The following FLNC variants were observed in gnomAD, a reference collection of about 807,000 sequenced individuals.
FLNC encodes filamin C.
A neutral mutation model predicts 254.3 loss-of-function variants in FLNC; 91 were observed. That is an observed-to-expected ratio of 0.36 (90% CI 0.30 to 0.43). FLNC has a LOEUF of 0.43. FLNC is among the 20% of genes least tolerant of loss of function. The probability of loss-of-function intolerance (pLI) is 1.00; values close to 1 mark genes in which losing one functional copy is unlikely to be tolerated. For missense variants in FLNC, 2,853 were observed against 3,802.6 expected, an observed-to-expected ratio of 0.75 and a Z score of 6.57; for synonymous variants, 1,430 against 1,577.2, an observed-to-expected ratio of 0.91 and a Z score of 2.21.
Position 128,843,306 on chromosome 7 carries a change from G to GCTT in FLNC, c.2630_2631insTCT (p.Leu877dup). The GCTT allele has an allele frequency of 6.2e-7, 1 of 1,613,076 alleles. No individual in the cohort carries two copies. Among genetic ancestry groups the GCTT allele is most frequent in the Admixed American group, 1.7e-5 (1 of 59,854 alleles). On this transcript the variant is annotated inframe_insertion, in exon 17 of 48. Coordinates refer to ENST00000325888, the MANE Select transcript of FLNC (RefSeq NM_001458.5). ...GCAAAGTCAAGGCCGAGGGCCCTGGGCTGAATCGCACAGGTGAGTGTCTGG... is the reference window on the plus strand; with the variant it reads ...GCAAAGTCAAGGCCGAGGGCCCTGGGCTTCTGAATCGCACAGGTGAGTGTCTGG...
chr7:128,843,757 G>A, intron 18 of FLNC, 39 bp from the exon 19 acceptor site: 4 of 1,582,066 alleles, frequency 2.5e-6, no homozygotes, highest in Non-Finnish European at 3.5e-6. Context: ...GTAGGACCTT[G>A]CCTTATATCC....
Position 128,843,255 on chromosome 7 carries a change from C to A in FLNC, c.2577C>A (p.Ile859=). The A allele has an allele frequency of 6.2e-7, 1 of 1,608,426 alleles. No homozygotes were observed. Among genetic ancestry groups the A allele is most frequent in the Non-Finnish European group, 8.5e-7 (1 of 1,177,372 alleles). Reference sequence around the variant, plus strand: ...AGATCCCCGCCAGCCCCTTCCACATCAAGGTGGACCCATCCCACGATGCCA... The same window carrying A: ...AGATCCCCGCCAGCCCCTTCCACATAAAGGTGGACCCATCCCACGATGCCA... ...NQEIPASPFH[I]KVDPSHDASK... The change falls in exon 17 of 48, where the codon ATC becomes ATA. Residue 859 remains isoleucine (I), a synonymous_variant. Transcript: ENST00000325888.
At chr7:128,843,950 A>G in intron 19 of FLNC, 37 bp downstream of exon 19, 1 of 1,614,054 alleles carries the variant, frequency 6.2e-7, no homozygotes, top group Non-Finnish European at 8.5e-7. Flanking sequence ...AGTGAGGGGT[A>G]TTCGGGTAGG....
chr7:128,830,508 C>G lies in FLNC; in HGVS notation c.-130C>G, dbSNP rs1306042438. 4 of 775,718 alleles carry G rather than the reference C, an allele frequency of 5.2e-6. No homozygotes were observed. In the African/African-American group the frequency reaches 7.0e-5, roughly 14 times the overall value. The allele number at this position is 775,718 out of a possible 1,614,324, so 48.1% of individuals were successfully genotyped here. On this transcript the variant is annotated 5_prime_UTR_variant, in exon 1 of 48. Coordinates refer to ENST00000325888, the MANE Select transcript of FLNC (RefSeq NM_001458.5). ...CCTCGCCGAGCCCCGCCAGCCCCGG[C>G]GCGAGAGAAGTTGGAGAGGAGAGCA...
chr7:128,831,132 G>A (rs1807874693), intron 1 of FLNC, 143 bp downstream of exon 1: 12 of 751,062 alleles, frequency 1.6e-5, no homozygotes, highest in South Asian at 1.5e-4. Context: ...CCCTGGCCCC[G>A]GCCCTCCCAC....
At position 128,857,189 on chromosome 7, in the gene FLNC, C is replaced by A. The variant is rs775883124; in HGVS notation, c.7633C>A (p.Pro2545Thr). ...GGCCTTGTCTGTCACCATTGATGGC[C>A]CCTCCAAGGTGCAGCTGGACTGTCG... ...SGALSVTIDG[P>T]SKVQLDCREC... The change falls in exon 46 of 48, where the codon CCC becomes ACC. Residue 2545 changes from proline to threonine, a missense_variant. Coordinates refer to ENST00000325888, the MANE Select transcript of FLNC (RefSeq NM_001458.5). This position sits in a 1 kb window ranked among gnomAD's most constrained non-coding sequence, Gnocchi z 4.5. The A allele has an allele frequency of 6.2e-7, 1 of 1,614,144 alleles. No individual in the cohort carries two copies. Among genetic ancestry groups the A allele is most frequent in the Admixed American group, 1.7e-5 (1 of 60,030 alleles).
rs977635757 is a variant in FLNC at position 128,843,237 on chromosome 7, C to T, written c.2559C>T (p.Pro853=). The change falls in exon 17 of 48, where the codon CCC becomes CCT. Residue 853 remains proline (P), a synonymous_variant. Transcript: ENST00000325888. ...IMVLFANQEI[P]ASPFHIKVDP... is the part of the protein sequence containing the mutation. ...GCCTCCTCCACATCCAGGAGATCCC[C>T]GCCAGCCCCTTCCACATCAAGGTGG... 1.1e-5 allele frequency: 17 copies of T among 1,597,828 alleles called. No individual in the cohort carries two copies. The highest frequency in any genetic ancestry group is 1.7e-4 in the Middle Eastern group (1 of 6,048).
Position 128,856,688 on chromosome 7 carries a change from T to C in FLNC, c.7384+38T>C, listed in dbSNP as rs1271758294. 1 of 1,613,904 alleles carries C rather than the reference T, an allele frequency of 6.2e-7. No homozygotes were observed. Among genetic ancestry groups the C allele is most frequent in the Non-Finnish European group, 8.5e-7 (1 of 1,180,026 alleles). On this transcript the variant is annotated intron_variant, in intron 44 of 47. Coordinates refer to ENST00000325888, the MANE Select transcript of FLNC (RefSeq NM_001458.5). This position sits in a 1 kb window ranked among gnomAD's most constrained non-coding sequence, Gnocchi z 5.9. ...TGCCCCTGCCAACTCCCTTCCGGGC[T>C]GGGGCCTTCTGGGGAGGGGAAGGAT...
In FLNC at chr7:128,847,980, G is replaced by T. The variant is rs976919874; in HGVS notation, c.4492G>T (p.Asp1498Tyr). The stretch of plus-strand genomic sequence containing the variant: ...GCCTGTGGAGGTGCGGGACAATGGA[G>T]ATGGCACCCACACTGTCCACTACAC... ...AEPVEVRDNG[D>Y]GTHTVHYTPA... Residue 1498 changes from aspartate to tyrosine, a missense_variant, in exon 26 of 48, where the codon GAT becomes TAT. Around this residue, in one of 10 missense-constraint regions of FLNC, gnomAD observed 1,573 missense variants for 1,883.5 expected, o/e 0.84. Coordinates refer to ENST00000325888, the MANE Select transcript of FLNC (RefSeq NM_001458.5). 7 of 1,612,342 alleles carry T rather than the reference G, an allele frequency of 4.3e-6. No individual in the cohort carries two copies. The highest frequency in any genetic ancestry group is 5.9e-6 in the Non-Finnish European group (7 of 1,179,220).
Position 128,850,712 on chromosome 7 carries a change from G to A in FLNC, c.5399-91G>A, listed in dbSNP as rs111806684. 3.1e-3 allele frequency: 4,842 copies of A among 1,573,504 alleles called. 153 individuals are homozygous for A. In the African/African-American group the frequency reaches 0.058, roughly 19 times the overall value. On this transcript the variant is annotated intron_variant, in intron 32 of 47. Transcript: ENST00000325888. ...CTCTTGATGCCTGGCTTCTCGGGTGGCAGCAGAAGCACTCAGGACCAGGCC... is the reference window on the plus strand; with the variant it reads ...CTCTTGATGCCTGGCTTCTCGGGTGACAGCAGAAGCACTCAGGACCAGGCC...
At chr7:128,848,487 G>A in intron 26 of FLNC, 74 bp from the exon 27 acceptor site, 1 of 1,513,110 alleles carries the variant, frequency 6.6e-7, no homozygotes. Flanking sequence ...GAGGACTCTG[G>A]CTCAAGATGA....
chr7:128,830,463 C>G lies in FLNC; in HGVS notation c.-175C>G, dbSNP rs1807838228. On this transcript the variant is annotated 5_prime_UTR_variant, in exon 1 of 48. Coordinates refer to ENST00000325888, the MANE Select transcript of FLNC (RefSeq NM_001458.5). ...GAGAGAGAGCCAGAGAGCGGCCGAG[C>G]GCCTAGGAGGCCCGCCGAGCCTCGC... 3.2e-6 allele frequency: 2 copies of G among 616,400 alleles called. No individual in the cohort carries two copies. The highest frequency in any genetic ancestry group is 1.9e-5 in the African/African-American group (1 of 53,468). The allele number at this position is 616,400 out of a possible 1,614,324, so 38.2% of individuals were successfully genotyped here.
intron 5 of FLNC, 112 bp downstream of exon 5, chr7:128,837,867 G>T: frequency 1.5e-6 from 2 of 1,364,650 alleles, no homozygotes; most frequent in Non-Finnish European, 2.1e-6. Context: ...ACACTGTGCT[G>T]TGCAGTCTGG....
At chr7:128,832,537 G>A (rs1473625671) in intron 1 of FLNC, among the ~76,000 whole-genome samples, 2 of 152,322 alleles carry the variant, frequency 1.3e-5, no homozygotes, top group South Asian at 2.1e-4. Context: ...GTCTGCGGGG[G>A]CTCTCGGCCC....
At position 128,853,781 on chromosome 7, in the gene FLNC, A is replaced by G. The variant is rs774715089; in HGVS notation, c.6428A>G (p.Gln2143Arg). ...AAGGAGAGCATCACCCGGCGGAGACAGGCACCTTCCATCGCCACCATCGGC... is the reference window on the plus strand; with the variant it reads ...AAGGAGAGCATCACCCGGCGGAGACGGGCACCTTCCATCGCCACCATCGGC... ...RMKESITRRRQAPSIATIGST... is the reference protein window; with the variant it reads ...RMKESITRRRRAPSIATIGST... Residue 2143 changes from glutamine to arginine, a missense_variant, in exon 39 of 48, where the codon CAG becomes CGG. Gln to Arg is a conservative substitution (Grantham distance 43, BLOSUM62 1). Around this residue, in one of 10 missense-constraint regions of FLNC, gnomAD observed 551 missense variants for 835.0 expected, o/e 0.66. Transcript: ENST00000325888. 6.8e-6 allele frequency: 11 copies of G among 1,613,696 alleles called. No homozygotes were observed. In the South Asian group the frequency reaches 1.2e-4, roughly 18 times the overall value.
rs201863231 is a variant in FLNC at position 128,844,207 on chromosome 7, C to A, written c.3133C>A (p.His1045Asn). Residue 1045 changes from histidine to asparagine, a missense_variant, in exon 20 of 48, where the codon CAC becomes AAC. This residue lies in a region of FLNC where 1,573 missense variants were observed against 1,883.5 expected (regional missense o/e 0.84). Coordinates refer to ENST00000325888, the MANE Select transcript of FLNC (RefSeq NM_001458.5). Reference sequence around the variant, plus strand: ...CAAGGTGGATATCACCTACGATGGTCACCCGGTGCCTGGCAGCCCGTTTGC... The same window carrying A: ...CAAGGTGGATATCACCTACGATGGTAACCCGGTGCCTGGCAGCCCGTTTGC... ...PYKVDITYDG[H>N]PVPGSPFAVE... is the part of the protein sequence containing the mutation. The A allele has an allele frequency of 6.3e-5, 102 of 1,612,454 alleles. No homozygotes were observed. Among genetic ancestry groups the A allele is most frequent in the Middle Eastern group, 1.7e-4 (1 of 5,914 alleles).
Position 128,838,739 on chromosome 7 carries a change from C to T in FLNC, c.1347C>T (p.Thr449=), listed in dbSNP as rs776162830. 2.1e-5 allele frequency: 34 copies of T among 1,612,866 alleles called. No homozygotes were observed. Among genetic ancestry groups the T allele is most frequent in the Admixed American group, 3.3e-5 (2 of 60,012 alleles). Residue 449 remains threonine, a synonymous_variant, in exon 8 of 48, where the codon ACC becomes ACT. Transcript: ENST00000325888. ...GACCTGCCATGGAGGGGCCACATACCGTGCATGTGGCCTTTGCGGGTGCCC... is the reference window on the plus strand; with the variant it reads ...GACCTGCCATGGAGGGGCCACATACTGTGCATGTGGCCTTTGCGGGTGCCC... ...TYRPAMEGPH[T]VHVAFAGAPI...
intron 18 of FLNC, 69 bp downstream of exon 18, chr7:128,843,646 C>T: frequency 6.4e-7 from 1 of 1,570,394 alleles, no homozygotes; most frequent in South Asian, 1.1e-5. Flanking sequence ...CTCCTCCAGT[C>T]CCATGGGACC....
At chr7:128,833,627 C>G (rs1228716951) in intron 1 of FLNC, among the ~76,000 whole-genome samples, 1 of 152,058 alleles carries the variant, frequency 6.6e-6, no homozygotes, top group Admixed American at 6.5e-5. Flanking sequence ...CCGCCCCCCC[C>G]AACCCCTGCA....
Sources: allele counts gnomAD v4.1 joint callset (sites outside exome capture counted in the v4.1 genomes callset), GRCh38; gene constraint gnomAD v4.1.1; regional missense constraint gnomAD v4.1.1; non-coding constraint Gnocchi (gnomAD v3.1); transcripts MANE v1.5; gene names NCBI Gene and HGNC (gene_info 2026-07-23, HGNC 2026-07-21).